Variants in TSHZ3 observed in about 807,000 individuals in gnomAD.
TSHZ3 encodes teashirt zinc finger homeobox 3.
Under a neutral mutation model 64.5 loss-of-function variants are expected in TSHZ3, and 10 were observed. The ratio of observed to expected loss-of-function variants is 0.16; its 90% CI spans 0.10 to 0.26. The LOEUF (loss-of-function observed/expected upper bound fraction) is 0.26, where lower values mean the gene tolerates loss of function less well. TSHZ3 is among the 10% of genes least tolerant of loss of function. TSHZ3 has a pLI of 1.00. For synonymous variants in TSHZ3, 608 were observed against 593.1 expected (o/e 1.03, Z -0.36); for missense variants, 1,242 against 1,421.7 (o/e 0.87, Z 2.03).
chr19:31,313,090 T>C (rs971742589), intron 1 of TSHZ3, among the ~76,000 whole-genome samples: 1 of 152,114 alleles, frequency 6.6e-6, no homozygotes, highest in African/African-American at 2.4e-5. Context: ...ATGACAGGTT[T>C]GGGACTCAGG....
At chr19:31,208,305 C>A (rs141472950) in intron 4 of TSHZ3, among the ~76,000 whole-genome samples, 2 of 152,314 alleles carry the variant, frequency 1.3e-5, no homozygotes, top group African/African-American at 4.8e-5. Context: ...CTTTGGGCAT[C>A]CTGCTGGGAT....
At chr19:31,188,843 T>C (rs1974856432) in intron 5 of TSHZ3, among the ~76,000 whole-genome samples, 1 of 151,926 alleles carries the variant, frequency 6.6e-6, no homozygotes, top group Non-Finnish European at 1.5e-5. Context: ...CTCTATTTTC[T>C]GAAACAGTTT....
chr19:31,153,170 TTGA>T (rs1568331367), intron 6 of TSHZ3, among the ~76,000 whole-genome samples: 1 of 152,176 alleles, frequency 6.6e-6, no homozygotes, highest in Non-Finnish European at 1.5e-5. Flanking sequence ...TTGCATAAAG[TTGA>T]TGATACCGTG....
chr19:31,271,619 GC>G (rs1372458272), downstream of TSHZ3, among the ~76,000 whole-genome samples: 8 of 152,174 alleles, frequency 5.3e-5, no homozygotes, highest in African/African-American at 1.9e-4. Context: ...AGGCCGGTGA[GC>G]CCTGGCACTG....
chr19:31,230,991 C>T (rs561697911), intron 3 of TSHZ3, among the ~76,000 whole-genome samples: 5 of 151,816 alleles, frequency 3.3e-5, no homozygotes, highest in East Asian at 2.0e-4. Flanking sequence ...CATGAGCCAC[C>T]GCCGCTGGCC....
At chr19:31,174,996 A>T (rs1017358752) in intron 5 of TSHZ3, among the ~76,000 whole-genome samples, 1 of 152,234 alleles carries the variant, frequency 6.6e-6, no homozygotes, top group South Asian at 2.1e-4. Flanking sequence ...GGTCCCACAC[A>T]GCAAATCAAA....
chr19:31,247,504 T>A (rs1975772176), intron 1 of TSHZ3, among the ~76,000 whole-genome samples: 1 of 152,042 alleles, frequency 6.6e-6, no homozygotes, highest in African/African-American at 2.4e-5. Context: ...GTAGCCAGAC[T>A]CCAGCCCTCA....
chr19:31,269,019 CA>C (rs1345909447), intron 1 of TSHZ3, among the ~76,000 whole-genome samples: 1 of 152,112 alleles, frequency 6.6e-6, no homozygotes, highest in Non-Finnish European at 1.5e-5. Flanking sequence ...CTGCACGGAG[CA>C]GCCCCTGCTG....
rs1326746023 is a variant in TSHZ3, at chr19:31,277,889, A to G, written c.1904T>C (p.Leu635Pro). The G allele has an allele frequency of 1.2e-6, 2 of 1,612,182 alleles. No individual in the cohort carries two copies. Among genetic ancestry groups the G allele is most frequent in the African/African-American group, 2.7e-5 (2 of 74,826 alleles). ...EEKMKEPDGK[L>P]SPPKRATPSP... The stretch of plus-strand genomic sequence containing the variant: ...GGGAGTGGCCCGCTTGGGCGGGGAA[A>G]GCTTCCCATCCGGCTCCTTCATCTT... The change falls in exon 2 of 2, where the codon CTT becomes CCT. Residue 635 changes from leucine (L) to proline (P), a missense_variant. By Grantham distance (98) the Leu-to-Pro change is moderately conservative (BLOSUM62 -3). Transcript: ENST00000240587. The surrounding 1 kb of genome is among the most constrained non-coding windows in gnomAD (Gnocchi z 4.5).
chr19:31,283,034 A>C (rs866515333), intron 1 of TSHZ3, among the ~76,000 whole-genome samples: 3 of 152,124 alleles, frequency 2.0e-5, no homozygotes, highest in African/African-American at 4.8e-5. Flanking sequence ...TCCCCTCCAC[A>C]TTAAAATAAA....
intron 1 of TSHZ3, among the ~76,000 whole-genome samples, chr19:31,306,586 T>C (rs1184469461): frequency 6.6e-6 from 1 of 151,824 alleles, no homozygotes; most frequent in Non-Finnish European, 1.5e-5. Context: ...TGTGTGTGTA[T>C]GTGTGTGTGT....
At chr19:31,226,668 A>T (rs1349669680) in intron 4 of TSHZ3, among the ~76,000 whole-genome samples, 1 of 152,136 alleles carries the variant, frequency 6.6e-6, no homozygotes, top group Non-Finnish European at 1.5e-5. Flanking sequence ...CCATCTGAGC[A>T]CCAACCACAA....
chr19:31,229,060 T>C (rs189999099), intron 3 of TSHZ3, among the ~76,000 whole-genome samples: 11 of 152,218 alleles, frequency 7.2e-5, no homozygotes, highest in South Asian at 6.2e-4. Flanking sequence ...GAAGAAGATA[T>C]GAGAAGGGTA....
At chr19:31,243,250 A>G (rs1451405974) in intron 1 of TSHZ3, among the ~76,000 whole-genome samples, 2 of 152,196 alleles carry the variant, frequency 1.3e-5, no homozygotes, top group East Asian at 3.9e-4. Context: ...TTTTTTCTCC[A>G]CTGCACTTAG....
intron 4 of TSHZ3, among the ~76,000 whole-genome samples, chr19:31,212,160 A>C (rs2145160455): frequency 6.6e-6 from 1 of 152,228 alleles, no homozygotes; most frequent in East Asian, 1.9e-4. Context: ...TAAAAAGCAA[A>C]AAAAGCAAAG....
At chr19:31,252,569 T>C (rs1975856735) in intron 1 of TSHZ3, among the ~76,000 whole-genome samples, 1 of 152,178 alleles carries the variant, frequency 6.6e-6, no homozygotes, top group South Asian at 2.1e-4. Flanking sequence ...TGACAGTGAG[T>C]TCTCAGAAGA....
chr19:31,309,318 A>G (rs987391270), intron 1 of TSHZ3, among the ~76,000 whole-genome samples: 1 of 152,182 alleles, frequency 6.6e-6, no homozygotes. Context: ...GAGGGAGTAG[A>G]TTCGGAATTC....
At chr19:31,304,635 G>T (rs2145146971) in intron 1 of TSHZ3, among the ~76,000 whole-genome samples, 1 of 152,150 alleles carries the variant, frequency 6.6e-6, no homozygotes, top group Non-Finnish European at 1.5e-5. Context: ...ACCTCTCTGT[G>T]AGATTTAAAT....
chr19:31,190,070 C>CT (rs1241135015), intron 5 of TSHZ3, among the ~76,000 whole-genome samples: 1 of 150,326 alleles, frequency 6.7e-6, no homozygotes, highest in East Asian at 2.0e-4. Context: ...GAGTGTTTTT[C>CT]TTGAAGTAGC....
Sources: gnomAD v4.1 joint callset for allele counts (sites outside exome capture counted in the v4.1 genomes callset) on GRCh38, gnomAD v4.1.1 for gene constraint, Gnocchi (gnomAD v3.1) non-coding constraint, MANE v1.5 for transcripts, NCBI Gene and HGNC (gene_info 2026-07-23, HGNC 2026-07-21) for gene names.